The following CDH13 variants were observed in gnomAD, a reference collection of about 807,000 sequenced individuals.
CDH13 encodes the protein cadherin-13.
A neutral mutation model predicts 63.8 loss-of-function variants in CDH13; 24 were observed. The ratio of observed to expected loss-of-function variants is 0.38; its 90% CI spans 0.27 to 0.53. The LOEUF (loss-of-function observed/expected upper bound fraction) is 0.53. CDH13 is among the 20% of genes least tolerant of loss of function. The pLI, the probability that CDH13 is intolerant of heterozygous loss-of-function variation, is 0.85. For missense variants in CDH13, 1,049 were observed against 903.1 expected (o/e 1.16, Z -2.07); for synonymous variants, 503 against 355.3 (o/e 1.42, Z -4.67).
At chr16:83,474,687 C>T (rs1186801617) in intron 6 of CDH13, among the ~76,000 whole-genome samples, 2 of 152,206 alleles carry the variant, frequency 1.3e-5, no homozygotes. Context: ...AATAGCAGTT[C>T]TCTGGTGTCC....
intron 2 of CDH13, among the ~76,000 whole-genome samples, chr16:82,900,166 G>T (rs945897946): frequency 1.3e-5 from 2 of 152,096 alleles, no homozygotes; most frequent in African/African-American, 4.8e-5. Flanking sequence ...TTCTTGCTGG[G>T]CCCCTTTTAG....
chr16:82,689,562 C>A (rs879025780), intron 1 of CDH13, among the ~76,000 whole-genome samples: 1 of 152,096 alleles, frequency 6.6e-6, no homozygotes, highest in Admixed American at 6.5e-5. Flanking sequence ...TCCGTCACTG[C>A]CATATTTCTT....
chr16:83,243,726 G>T (rs1904705313), intron 5 of CDH13, among the ~76,000 whole-genome samples: 1 of 152,116 alleles, frequency 6.6e-6, no homozygotes, highest in African/African-American at 2.4e-5. Context: ...TTTAGGCTAG[G>T]ACTACAAACA....
At chr16:83,188,987 T>C (rs1192555605) in intron 4 of CDH13, among the ~76,000 whole-genome samples, 7 of 152,222 alleles carry the variant, frequency 4.6e-5, no homozygotes, top group Admixed American at 2.6e-4. Flanking sequence ...ATCTCAGTCA[T>C]GGAAGTTCAC....
chr16:83,330,192 C>T (rs1043225498), intron 5 of CDH13, among the ~76,000 whole-genome samples: 7 of 152,158 alleles, frequency 4.6e-5, no homozygotes, highest in Non-Finnish European at 1.0e-4. Context: ...AATAGACACA[C>T]ACATACACAT....
chr16:83,468,708 C>A (rs994410222), intron 6 of CDH13, among the ~76,000 whole-genome samples: 1 of 152,200 alleles, frequency 6.6e-6, no homozygotes, highest in Non-Finnish European at 1.5e-5. Flanking sequence ...TCCTTCCCTT[C>A]TTTGTTCTTG....
intron 1 of CDH13, among the ~76,000 whole-genome samples, chr16:82,668,679 C>G (rs1413701411): frequency 1.3e-5 from 2 of 152,108 alleles, no homozygotes; most frequent in African/African-American, 2.4e-5. Context: ...GGCAAGAGTT[C>G]TGAGTGATTC....
chr16:83,499,898 G>A (rs1366849334), intron 7 of CDH13, among the ~76,000 whole-genome samples: 1 of 152,158 alleles, frequency 6.6e-6, no homozygotes, highest in African/African-American at 2.4e-5. Context: ...CACCTCCCGG[G>A]TTCAAGCAAT....
At chr16:83,497,171 A>T (rs1224959640) in intron 7 of CDH13, among the ~76,000 whole-genome samples, 1 of 152,176 alleles carries the variant, frequency 6.6e-6, no homozygotes, top group Non-Finnish European at 1.5e-5. Context: ...GTATATACCC[A>T]AAGGACTATA....
rs573088098 is a variant in CDH13, at chr16:82,637,428, C to CTTTTTTTTTTTTTTTTTT, written c.45+10294_45+10311dup. On this transcript the variant is annotated intron_variant, in intron 1 of 13. Transcript: ENST00000567109. Reference sequence around the variant, plus strand: ...GCTGAGGTCTGTACAGTTACTGTGCCTTTTTTTTTTTTTTTTTTTTGAGAC... The same window carrying CTTTTTTTTTTTTTTTTTT: ...GCTGAGGTCTGTACAGTTACTGTGCCTTTTTTTTTTTTTTTTTTTTTTTTTTTTTTTTTTTTTTGAGAC... Among the ~76,000 whole-genome samples the CTTTTTTTTTTTTTTTTTT allele has an allele frequency of 2.1e-4, 17 of 81,654 alleles. 4 individuals are homozygous for CTTTTTTTTTTTTTTTTTT. The highest frequency in any genetic ancestry group is 8.1e-4 in the Admixed American group (5 of 6,156). 53.6% of individuals were successfully genotyped at this position (81,654 alleles called of 152,430 possible).
chr16:83,038,806 A>G (rs1237926013), intron 3 of CDH13, among the ~76,000 whole-genome samples: 1 of 152,210 alleles, frequency 6.6e-6, no homozygotes, highest in Non-Finnish European at 1.5e-5. Context: ...GCCAACGAAA[A>G]CACTCACAAA....
intron 1 of CDH13, among the ~76,000 whole-genome samples, chr16:82,809,601 G>A (rs998035089): frequency 6.6e-6 from 1 of 152,030 alleles, no homozygotes; most frequent in African/African-American, 2.4e-5. Context: ...TTGGTTTTAT[G>A]TTTTTACCCT....
chr16:83,492,429 A>AGTAG (rs2074035495), intron 7 of CDH13, among the ~76,000 whole-genome samples: 1 of 152,334 alleles, frequency 6.6e-6, no homozygotes, highest in South Asian at 2.1e-4. Flanking sequence ...TGATTCAGAT[A>AGTAG]GTAGCATCCT....
At chr16:83,217,298 CTG>C (rs1484207117) in intron 4 of CDH13, 45 bp from the exon 5 acceptor site, 1 of 1,603,176 alleles carries the variant, frequency 6.2e-7, no homozygotes, top group Non-Finnish European at 8.5e-7. Flanking sequence ...TGTGCTTTCT[CTG>C]TGTTTTCCAG....
At chr16:83,038,180 A>T (rs1016003377) in intron 3 of CDH13, among the ~76,000 whole-genome samples, 1 of 152,192 alleles carries the variant, frequency 6.6e-6, no homozygotes, top group Non-Finnish European at 1.5e-5. Flanking sequence ...AATCACAGTT[A>T]AGCCTATTTT....
chr16:83,130,042 G>T (rs981881043), intron 4 of CDH13, among the ~76,000 whole-genome samples: 2 of 152,126 alleles, frequency 1.3e-5, no homozygotes, highest in African/African-American at 4.8e-5. Context: ...ATATCAACAA[G>T]CATATATTCA....
chr16:83,077,490 G>A (rs1362646746), intron 3 of CDH13, among the ~76,000 whole-genome samples: 1 of 151,938 alleles, frequency 6.6e-6, no homozygotes, highest in Non-Finnish European at 1.5e-5. Flanking sequence ...ATCACACCTG[G>A]CCAGCATAAG....
At chr16:83,038,747 T>A (rs1248424450) in intron 3 of CDH13, among the ~76,000 whole-genome samples, 1 of 152,252 alleles carries the variant, frequency 6.6e-6, no homozygotes, top group East Asian at 1.9e-4. Flanking sequence ...CGCAGAAATG[T>A]CTTTATCTGC....
At chr16:83,586,535 A>G (rs1400930564) in intron 7 of CDH13, among the ~76,000 whole-genome samples, 1 of 152,206 alleles carries the variant, frequency 6.6e-6, no homozygotes, top group African/African-American at 2.4e-5. Flanking sequence ...ACCAAATGTT[A>G]AGTCGTAACA....
Sources: gnomAD v4.1 joint callset for allele counts (sites outside exome capture counted in the v4.1 genomes callset) on GRCh38, gnomAD v4.1.1 for gene constraint, MANE v1.5 for transcripts, NCBI Gene and HGNC (gene_info 2026-07-23, HGNC 2026-07-21) for gene names.